ITFG1: variants seen among roughly 807,000 people sequenced by gnomAD.
ITFG1 encodes T-cell immunomodulatory protein.
Under a neutral mutation model 81.8 loss-of-function variants are expected in ITFG1, and 34 were observed. The observed-to-expected ratio is 0.42, with a 90% CI of 0.32 to 0.55. The LOEUF (loss-of-function observed/expected upper bound fraction) is 0.55. ITFG1 is among the 20% of genes least tolerant of loss of function. ITFG1 has a pLI of 0.17. For synonymous variants in ITFG1, 285 were observed against 270.6 expected, an observed-to-expected ratio of 1.05 and a Z score of -0.52; for missense variants, 672 against 755.4, an observed-to-expected ratio of 0.89 and a Z score of 1.29.
At chr16:47,422,949 C>G (rs539644341) in intron 6 of ITFG1, among the ~76,000 whole-genome samples, 142 of 152,180 alleles carry the variant, frequency 9.3e-4, no homozygotes, top group African/African-American at 3.1e-3. Context: ...TCCGCTTGGT[C>G]CAGAGCTGAG....
At chr16:47,443,379 C>T (rs1241483215) in intron 5 of ITFG1, among the ~76,000 whole-genome samples, 1 of 152,092 alleles carries the variant, frequency 6.6e-6, no homozygotes, top group Non-Finnish European at 1.5e-5. Context: ...ACCATTTGAC[C>T]CAGACGTCCC....
chr16:47,399,442 G>A (rs1032805015), intron 6 of ITFG1, among the ~76,000 whole-genome samples: 8 of 152,072 alleles, frequency 5.3e-5, no homozygotes, highest in African/African-American at 7.2e-5. Flanking sequence ...GCGTGTTGGC[G>A]GGCATCTGTA....
intron 8 of ITFG1, among the ~76,000 whole-genome samples, chr16:47,328,657 C>T (rs1967595829): frequency 6.6e-6 from 1 of 152,016 alleles, no homozygotes; most frequent in Non-Finnish European, 1.5e-5. Context: ...CAGAGTGATA[C>T]TTAAGGGCTA....
At chr16:47,176,360 G>T (rs1258153336) in intron 14 of ITFG1, among the ~76,000 whole-genome samples, 1 of 152,124 alleles carries the variant, frequency 6.6e-6, no homozygotes, top group East Asian at 1.9e-4. Flanking sequence ...TCAGATAAAA[G>T]ACAATTTTTT....
At chr16:47,324,262 A>G (rs866186790) in intron 8 of ITFG1, among the ~76,000 whole-genome samples, 1 of 151,890 alleles carries the variant, frequency 6.6e-6, no homozygotes, top group African/African-American at 2.4e-5. Context: ...GGAGAAATAA[A>G]ATACTTTCCA....
intron 6 of ITFG1, among the ~76,000 whole-genome samples, chr16:47,419,702 A>T (rs1418159968): frequency 6.8e-6 from 1 of 147,926 alleles, no homozygotes; most frequent in Non-Finnish European, 1.5e-5. Context: ...TCCCAGGTTC[A>T]AGCAATTCTC....
chr16:47,221,198 T>C lies in ITFG1; in HGVS notation c.1375-2252A>G, dbSNP rs567164384. On this transcript the variant is annotated intron_variant, in intron 13 of 17. Coordinates refer to ENST00000320640, the MANE Select transcript of ITFG1 (RefSeq NM_030790.5). ...CAGGGTTTGTCTTTTTTTAATGGAC[T>C]GAGAGCTTGCTCTGTGTGAACAAGC... 7.9e-5 allele frequency among the ~76,000 whole-genome samples: 12 copies of C among 152,296 alleles called. No homozygotes were observed. In the South Asian group the frequency reaches 2.5e-3, roughly 32 times the overall value.
rs972134248 is a variant in ITFG1, at chr16:47,414,525, TAAAACAA to T, written c.655+14272_655+14278del. On this transcript the variant is annotated intron_variant, in intron 6 of 17. Coordinates refer to ENST00000320640, the MANE Select transcript of ITFG1 (RefSeq NM_030790.5). Reference sequence around the variant, plus strand: ...TGGGTGACTGAGTGAGACTCTGTCGTAAAACAAAAAACAAAAAACAAAAAACAAACAA... The same window carrying T: ...TGGGTGACTGAGTGAGACTCTGTCGTAAAACAAAAAACAAAAAACAAACAA... 1.7e-3 allele frequency among the ~76,000 whole-genome samples: 253 copies of T among 151,080 alleles called. 1 individual carries two copies. Among genetic ancestry groups the T allele is most frequent in the African/African-American group, 5.5e-3 (226 of 40,868 alleles).
intron 14 of ITFG1, among the ~76,000 whole-genome samples, chr16:47,170,432 C>CTTT (rs370502887): frequency 7.0e-6 from 1 of 142,968 alleles, no homozygotes; most frequent in Non-Finnish European, 1.5e-5. Context: ...CTAGGGAACA[C>CTTT]TTTTTTTTTT....
At chr16:47,442,724 T>A (rs1005339989) in intron 5 of ITFG1, among the ~76,000 whole-genome samples, 2 of 152,178 alleles carry the variant, frequency 1.3e-5, no homozygotes, top group Non-Finnish European at 2.9e-5. Flanking sequence ...CTGGATCCCT[T>A]CCTTACACCT....
At chr16:47,183,541 C>A (rs779574549) in intron 14 of ITFG1, among the ~76,000 whole-genome samples, 2 of 152,258 alleles carry the variant, frequency 1.3e-5, no homozygotes, top group Middle Eastern at 3.4e-3. Context: ...ACACCTCGCA[C>A]GGCCGGGTAC....
intron 2 of ITFG1, among the ~76,000 whole-genome samples, chr16:47,457,829 T>A (rs1969473503): frequency 6.6e-6 from 1 of 152,202 alleles, no homozygotes; most frequent in South Asian, 2.1e-4. Flanking sequence ...TCACTTCTCA[T>A]ATACACTCAA....
intron 8 of ITFG1, among the ~76,000 whole-genome samples, chr16:47,335,334 G>T (rs1038920540): frequency 1.3e-5 from 2 of 151,956 alleles, no homozygotes; most frequent in Non-Finnish European, 2.9e-5. Context: ...CTCCAGCCTG[G>T]GTTGCAAGAG....
At chr16:47,353,559 T>C (rs914529466) in intron 8 of ITFG1, among the ~76,000 whole-genome samples, 6 of 152,104 alleles carry the variant, frequency 3.9e-5, no homozygotes, top group African/African-American at 7.2e-5. Context: ...AGAGCAATTA[T>C]GTGAAAGATA....
intron 8 of ITFG1, among the ~76,000 whole-genome samples, chr16:47,351,159 G>T (rs1338251604): frequency 1.3e-5 from 2 of 152,162 alleles, no homozygotes; most frequent in Admixed American, 6.5e-5. Context: ...ACAAGACAGG[G>T]ATGCCCTCTC....
In ITFG1 at chr16:47,325,362, T is replaced by C. The variant is rs1009240427; in HGVS notation, c.803-11539A>G. 4.0e-5 allele frequency among the ~76,000 whole-genome samples: 6 copies of C among 150,724 alleles called. No homozygotes were observed. In the East Asian group the frequency reaches 1.2e-3, roughly 30 times the overall value. Reference sequence around the variant, plus strand: ...AAATTTATAGCACTAAATGCCCACATGAGAAAGCAGGAAAGATCTAAAATT... The same window carrying C: ...AAATTTATAGCACTAAATGCCCACACGAGAAAGCAGGAAAGATCTAAAATT... On this transcript the variant is annotated intron_variant, in intron 8 of 17. Transcript: ENST00000320640.
chr16:47,344,266 T>C (rs931040630), intron 8 of ITFG1, among the ~76,000 whole-genome samples: 5 of 152,214 alleles, frequency 3.3e-5, no homozygotes, highest in African/African-American at 1.2e-4. Flanking sequence ...AAATGGCAAA[T>C]TTTATGTTGT....
In ITFG1 at chr16:47,452,250, G is replaced by A. The variant is rs181283852; in HGVS notation, c.485+483C>T. ...ATGATCTCGACCTCTACCAAAATAC[G>A]CTGTCAGAAATTTGCAAATCCAAAT... On this transcript the variant is annotated intron_variant, in intron 4 of 17. Transcript: ENST00000320640. 2.1e-4 allele frequency among the ~76,000 whole-genome samples: 32 copies of A among 152,150 alleles called. 1 individual carries two copies. In the East Asian group the frequency reaches 4.8e-3, roughly 23 times the overall value.
chr16:47,416,020 G>A (rs1366452977), intron 6 of ITFG1, among the ~76,000 whole-genome samples: 1 of 152,162 alleles, frequency 6.6e-6, no homozygotes, highest in Non-Finnish European at 1.5e-5. Context: ...CTTGAACCCA[G>A]GAGGCAGAGG....
Sources: allele counts gnomAD v4.1 joint callset (sites outside exome capture counted in the v4.1 genomes callset), GRCh38; gene constraint gnomAD v4.1.1; transcripts MANE v1.5; gene names NCBI Gene and HGNC (gene_info 2026-07-23, HGNC 2026-07-21).